The following CNBD1 variants were observed in gnomAD, a reference collection of about 807,000 sequenced individuals.
CNBD1 encodes the protein cyclic nucleotide-binding domain-containing protein 1.
CNBD1 carries 71 observed loss-of-function variants against 54.4 expected under a neutral mutation model. That is an observed-to-expected ratio of 1.30 (90% CI 1.08 to 1.59). The LOEUF (loss-of-function observed/expected upper bound fraction) is 1.59, where lower values mean the gene tolerates loss of function less well. Among genes scored for constraint, CNBD1 ranks in the 40% most tolerant of loss-of-function variants. The probability of loss-of-function intolerance (pLI) is 0.00; values close to 1 mark genes in which losing one functional copy is unlikely to be tolerated. For missense variants in CNBD1, 659 were observed against 518.0 expected, an observed-to-expected ratio of 1.27 and a Z score of -2.64; for synonymous variants, 182 against 170.7, an observed-to-expected ratio of 1.07 and a Z score of -0.51.
intron 4 of CNBD1, among the ~76,000 whole-genome samples, chr8:86,982,913 A>G (rs1448343661): frequency 3.3e-5 from 5 of 152,218 alleles, no homozygotes; most frequent in Non-Finnish European, 7.3e-5. Context: ...TTAGCATATT[A>G]TCTTTCTCCA....
chr8:87,033,818 G>GT (rs1033133964), intron 4 of CNBD1, among the ~76,000 whole-genome samples: 1 of 152,040 alleles, frequency 6.6e-6, no homozygotes, highest in African/African-American at 2.4e-5. Flanking sequence ...TTAACTTGAC[G>GT]TTTTTTAAGC....
Position 87,016,612 on chromosome 8 carries a change from G to A in CNBD1, c.431+76858G>A, listed in dbSNP as rs563200919. Reference sequence around the variant, plus strand: ...TCATTTTGTAGATTAGTATCATTCAGCTTCTTTAAAAAAAACTTTAGTGGA... The same window carrying A: ...TCATTTTGTAGATTAGTATCATTCAACTTCTTTAAAAAAAACTTTAGTGGA... On this transcript the variant is annotated intron_variant, in intron 4 of 10. Transcript: ENST00000518476. Among the ~76,000 whole-genome samples the A allele has an allele frequency of 8.5e-5, 13 of 152,204 alleles. No individual in the cohort carries two copies. The South Asian group carries it at 2.5e-3, about 29-fold the overall frequency.
chr8:87,236,454 A>G (rs975599568), intron 5 of CNBD1, among the ~76,000 whole-genome samples: 3 of 152,110 alleles, frequency 2.0e-5, no homozygotes, highest in South Asian at 2.1e-4. Flanking sequence ...ATTAAGTTCT[A>G]TAAGTGATTG....
chr8:87,423,797 A>T lies in CNBD1; in HGVS notation c.214-4749A>T, dbSNP rs1028838104. 1.2e-4 allele frequency among the ~76,000 whole-genome samples: 18 copies of T among 152,130 alleles called. No homozygotes were observed. The East Asian group carries it at 3.3e-3, about 28-fold the overall frequency. On this transcript the variant is annotated intron_variant, in intron 2 of 7. Coordinates refer to the CNBD1 transcript ENST00000521593. ...AGAATGATGCTGGCCTCATAAAATG[A>T]GTTAGGGAGGATTCCCTCTTTTTCT...
At chr8:87,126,541 C>A (rs1372427839) in intron 4 of CNBD1, among the ~76,000 whole-genome samples, 2 of 151,864 alleles carry the variant, frequency 1.3e-5, no homozygotes, top group African/African-American at 4.8e-5. Context: ...TATATTATGG[C>A]TATATCTCCT....
intron 4 of CNBD1, among the ~76,000 whole-genome samples, chr8:87,030,751 A>T (rs1027372145): frequency 1.3e-5 from 2 of 152,054 alleles, no homozygotes; most frequent in African/African-American, 4.8e-5. Context: ...GATAAGATGG[A>T]GGGACACACA....
chr8:87,358,585 G>A (rs567893084), intron 10 of CNBD1, among the ~76,000 whole-genome samples: 3 of 151,056 alleles, frequency 2.0e-5, no homozygotes, highest in South Asian at 4.2e-4. Context: ...AGAACCAATA[G>A]GATATATATA....
At chr8:87,072,406 TTGTC>T (rs1244863175) in intron 4 of CNBD1, among the ~76,000 whole-genome samples, 4 of 152,152 alleles carry the variant, frequency 2.6e-5, no homozygotes, top group African/African-American at 9.6e-5. Context: ...TGTCACTGGT[TTGTC>T]TATTTTGTTT....
At chr8:86,997,808 G>A (rs1273054116) in intron 4 of CNBD1, among the ~76,000 whole-genome samples, 1 of 151,932 alleles carries the variant, frequency 6.6e-6, no homozygotes, top group Non-Finnish European at 1.5e-5. Context: ...CCAGCGGGTG[G>A]CTGTTCTTTT....
chr8:87,325,907 T>A (rs1809657994), intron 8 of CNBD1, among the ~76,000 whole-genome samples: 1 of 126,888 alleles, frequency 7.9e-6, no homozygotes, highest in Non-Finnish European at 1.8e-5. Context: ...CTCGATGGTC[T>A]TTACATTTTG....
At chr8:86,954,393 T>C (rs1225718226) in intron 4 of CNBD1, among the ~76,000 whole-genome samples, 5 of 152,254 alleles carry the variant, frequency 3.3e-5, no homozygotes, top group African/African-American at 1.2e-4. Context: ...GTTTTTATTT[T>C]AATGTTCAAT....
At chr8:87,003,132 C>T (rs568016021) in intron 4 of CNBD1, among the ~76,000 whole-genome samples, 5 of 152,238 alleles carry the variant, frequency 3.3e-5, no homozygotes, top group Admixed American at 2.0e-4. Context: ...AATACTTTTA[C>T]AGCAGAGATC....
intron 3 of CNBD1, among the ~76,000 whole-genome samples, chr8:86,938,621 C>G (rs1809593776): frequency 6.6e-6 from 1 of 151,480 alleles, no homozygotes; most frequent in African/African-American, 2.5e-5. Context: ...TCTTGTGAGA[C>G]TTACTCACTA....
intron 3 of CNBD1, among the ~76,000 whole-genome samples, chr8:86,911,817 C>T (rs1809104367): frequency 6.6e-6 from 1 of 151,920 alleles, no homozygotes; most frequent in African/African-American, 2.4e-5. Flanking sequence ...TATATGCCAA[C>T]AGCAAACAAT....
chr8:86,973,524 C>T (rs1808271314), intron 4 of CNBD1, among the ~76,000 whole-genome samples: 1 of 152,156 alleles, frequency 6.6e-6, no homozygotes, highest in Non-Finnish European at 1.5e-5. Context: ...GAAATGTTTA[C>T]ATAATAAATG....
downstream of CNBD1, among the ~76,000 whole-genome samples, chr8:87,387,743 G>A (rs531804711): frequency 8.5e-5 from 13 of 152,248 alleles, no homozygotes; most frequent in South Asian, 1.7e-3. Context: ...ACTCAACTCT[G>A]CACCAAGAGG....
chr8:87,150,174 C>CA (rs200815315), intron 4 of CNBD1, among the ~76,000 whole-genome samples: 11,192 of 151,408 alleles, frequency 0.074, 1,274 homozygotes, highest in African/African-American at 0.24. Flanking sequence ...AAGACTCTGT[C>CA]AAAAAACAAA....
intron 5 of CNBD1, among the ~76,000 whole-genome samples, chr8:87,216,935 T>C (rs1406830387): frequency 6.6e-6 from 1 of 152,152 alleles, no homozygotes; most frequent in Non-Finnish European, 1.5e-5. Context: ...ATCAGTGCCA[T>C]TGCTTTTACG....
At chr8:86,896,191 G>A in intron 2 of CNBD1, among the ~76,000 whole-genome samples, 1 of 151,904 alleles carries the variant, frequency 6.6e-6, no homozygotes. Context: ...CAACGTTGGA[G>A]GCATTCTATT....
Sources: gnomAD v4.1 joint callset for allele counts (sites outside exome capture counted in the v4.1 genomes callset) on GRCh38, gnomAD v4.1.1 for gene constraint, MANE v1.5 for transcripts, NCBI Gene and HGNC (gene_info 2026-07-23, HGNC 2026-07-21) for gene names.